The following NXN variants were observed in gnomAD, a reference collection of about 807,000 sequenced individuals.
NXN encodes the protein nucleoredoxin 1.
In NXN, 16 loss-of-function variants were observed where a neutral mutation model predicts 48.6. The observed-to-expected ratio is 0.33, with a 90% CI of 0.22 to 0.50. The LOEUF (loss-of-function observed/expected upper bound fraction) is 0.50. NXN is among the 20% of genes least tolerant of loss of function. NXN has a pLI of 0.98. For synonymous variants in NXN, 281 were observed against 269.6 expected (o/e 1.04, Z -0.41); for missense variants, 492 against 605.5 (o/e 0.81, Z 1.97).
Position 958,689 on chromosome 17 carries a change from G to A in NXN, c.360+20630C>T, listed in dbSNP as rs531559154. ...AGGAGGCTGAGGCAGGAGAATCACC[G>A]AGGCGGAGGTAGAAGTGAGCCCAGA... is the stretch of plus-strand genomic sequence containing the variant. On this transcript the variant is annotated intron_variant, in intron 1 of 7. Transcript: ENST00000336868. The surrounding 1 kb of genome is among the most constrained non-coding windows in gnomAD (Gnocchi z 6.9). Among the ~76,000 whole-genome samples, 8 of 152,176 alleles carry A rather than the reference G, an allele frequency of 5.3e-5. No individual in the cohort carries two copies. Among genetic ancestry groups the A allele is most frequent in the East Asian group, 3.9e-4 (2 of 5,184 alleles).
chr17:848,172 G>A (rs1166142064), intron 1 of NXN, among the ~76,000 whole-genome samples: 6 of 151,506 alleles, frequency 4.0e-5, no homozygotes, highest in East Asian at 1.9e-4. Flanking sequence ...GAGTCCTGCC[G>A]TGTCGCCCAC....
At position 979,316 on chromosome 17, in the gene NXN, C is replaced by A; in HGVS notation, c.360+3G>T. On this transcript the variant is annotated splice_donor_region_variant and intron_variant, in intron 1 of 7. Transcript: ENST00000336868. ...AGGGGCCGGCGAGGCCCGCGCCGCTCACCTTCCTGTGCTTCTCCTTGTAGG... is the reference window on the plus strand; with the variant it reads ...AGGGGCCGGCGAGGCCCGCGCCGCTAACCTTCCTGTGCTTCTCCTTGTAGG... The A allele has an allele frequency of 6.6e-7, 1 of 1,517,760 alleles. No individual in the cohort carries two copies. 94.0% of individuals were successfully genotyped at this position (1,517,760 alleles called of 1,614,324 possible).
chr17:895,582 GT>G (rs2068471026), intron 1 of NXN, among the ~76,000 whole-genome samples: 1 of 151,174 alleles, frequency 6.6e-6, no homozygotes, highest in Admixed American at 6.6e-5. Context: ...GGAGGTCGAG[GT>G]GGGCGGATCA....
chr17:930,013 A>C (rs2068838083), intron 1 of NXN: 1 of 152,136 alleles, frequency 6.6e-6, no homozygotes, highest in South Asian at 2.1e-4. Flanking sequence ...GGTTAGAATA[A>C]AATCCAACTC....
intron 1 of NXN, among the ~76,000 whole-genome samples, chr17:915,708 C>T (rs1232901052): frequency 6.6e-6 from 1 of 151,626 alleles, no homozygotes; most frequent in African/African-American, 2.4e-5. Flanking sequence ...GGAAACTTGG[C>T]AATAAACCAA....
chr17:940,867 C>A (rs1240827623), intron 1 of NXN, among the ~76,000 whole-genome samples: 1 of 150,410 alleles, frequency 6.6e-6, no homozygotes, highest in African/African-American at 2.5e-5. Context: ...TTCCAGGGTG[C>A]AGCCATGAAT....
intron 1 of NXN, among the ~76,000 whole-genome samples, chr17:846,075 G>A (rs185124488): frequency 2.4e-3 from 372 of 151,864 alleles, no homozygotes; most frequent in Non-Finnish European, 3.7e-3. Context: ...GAGCGAGACT[G>A]CATCTCATAA....
At chr17:833,036 A>T (rs573103439) in intron 1 of NXN, among the ~76,000 whole-genome samples, 1 of 151,876 alleles carries the variant, frequency 6.6e-6, no homozygotes, top group African/African-American at 2.4e-5. Flanking sequence ...GACTACAGGC[A>T]CCTGCCACCA....
At chr17:840,532 G>A (rs1453701453) in intron 1 of NXN, among the ~76,000 whole-genome samples, 1 of 152,098 alleles carries the variant, frequency 6.6e-6, no homozygotes, top group Non-Finnish European at 1.5e-5. Context: ...GTAGAGACAG[G>A]GTTTCACCAT....
At chr17:880,922 G>T (rs930472144) in intron 1 of NXN, among the ~76,000 whole-genome samples, 2 of 152,158 alleles carry the variant, frequency 1.3e-5, no homozygotes, top group African/African-American at 4.8e-5. Context: ...CCTGGGCCAG[G>T]GCTCCAAGGG....
chr17:940,900 T>C (rs2068965923), intron 1 of NXN, among the ~76,000 whole-genome samples: 1 of 149,088 alleles, frequency 6.7e-6, no homozygotes, highest in African/African-American at 2.5e-5. Flanking sequence ...TTCCTGGATT[T>C]ACAGTGAACA....
rs919068402 is a variant in NXN at position 919,219 on chromosome 17, C to T, written c.360+60100G>A. The stretch of plus-strand genomic sequence containing the variant: ...CTCTACTACAAATACAAAAATCAGC[C>T]GGGCGTCATGGCGGGCACCTGTAGT... On this transcript the variant is annotated intron_variant, in intron 1 of 7. Coordinates refer to ENST00000336868, the MANE Select transcript of NXN (RefSeq NM_022463.5). This position sits in a 1 kb window ranked among gnomAD's most constrained non-coding sequence, Gnocchi z 5.1. Among the ~76,000 whole-genome samples the T allele has an allele frequency of 1.3e-5, 2 of 151,956 alleles. No homozygotes were observed. Among genetic ancestry groups the T allele is most frequent in the Non-Finnish European group, 2.9e-5 (2 of 68,004 alleles).
intron 1 of NXN, chr17:959,219 A>G (rs1567519984): frequency 9.8e-7 from 1 of 1,025,128 alleles, no homozygotes; most frequent in Non-Finnish European, 1.3e-6. Context: ...GTCAGCAGAC[A>G]GGCCTGCAGA....
Position 956,130 on chromosome 17 carries a change from A to G in NXN, c.360+23189T>C, listed in dbSNP as rs2096429441. On this transcript the variant is annotated intron_variant, in intron 1 of 7. Transcript: ENST00000336868. The surrounding 1 kb of genome is among the most constrained non-coding windows in gnomAD (Gnocchi z 4.1). ...GCATTTAATTATGATGACAGCACCA[A>G]TAAACACTGAGACTCACCTTTCTGC... Among the ~76,000 whole-genome samples the G allele has an allele frequency of 6.6e-6, 1 of 152,190 alleles. No individual in the cohort carries two copies. The highest frequency in any genetic ancestry group is 1.5e-5 in the Non-Finnish European group (1 of 68,038).
intron 1 of NXN, chr17:910,895 T>G (rs1203929085): frequency 6.6e-6 from 1 of 152,110 alleles, no homozygotes; most frequent in Non-Finnish European, 1.5e-5. Context: ...AAGAAGGAAT[T>G]CCCTCCCCGC....
chr17:895,666 A>T (rs1240274088), intron 1 of NXN, among the ~76,000 whole-genome samples: 1 of 151,182 alleles, frequency 6.6e-6, no homozygotes, highest in Non-Finnish European at 1.5e-5. Context: ...CAAAAAAAAA[A>T]AATTAGCCAG....
At chr17:896,856 C>CGGGGGGGGGGGGGGGGGGGG in intron 1 of NXN, 1 of 1,156,930 alleles carries the variant, frequency 8.6e-7, no homozygotes, top group Non-Finnish European at 1.1e-6. Context: ...CGGTCCTGAC[C>CGGGGGGGGGGGGGGGGGGGG]ACCCGCCCCC....
intron 1 of NXN, among the ~76,000 whole-genome samples, chr17:935,951 A>T (rs2068902972): frequency 6.6e-6 from 1 of 151,970 alleles, no homozygotes; most frequent in East Asian, 1.9e-4. Context: ...AATTAGCTGG[A>T]TGTGGTGGTG....
intron 1 of NXN, chr17:911,336 C>CTTTTTTTTTTTTTT (rs59123335): frequency 8.5e-6 from 1 of 118,116 alleles, no homozygotes; most frequent in African/African-American, 3.3e-5. Flanking sequence ...TGCAAGTCTT[C>CTTTTTTTTTTTTTT]TTTTTTTTTT....
Sources: gnomAD v4.1 joint callset for allele counts (sites outside exome capture counted in the v4.1 genomes callset) on GRCh38, gnomAD v4.1.1 for gene constraint, Gnocchi (gnomAD v3.1) non-coding constraint, MANE v1.5 for transcripts, NCBI Gene and HGNC (gene_info 2026-07-23, HGNC 2026-07-21) for gene names.